The following RABGAP1 variants were observed in gnomAD, a reference collection of about 807,000 sequenced individuals.
The protein encoded by RABGAP1 is rab GTPase-activating protein 1.
RABGAP1 carries 23 observed loss-of-function variants against 137.6 expected under a neutral mutation model. That is an observed-to-expected ratio of 0.17 (90% CI 0.12 to 0.24). The LOEUF is 0.24. RABGAP1 is among the 10% of genes least tolerant of loss of function. RABGAP1 has a pLI of 1.00. For missense variants in RABGAP1, 906 were observed against 1,275.8 expected, an observed-to-expected ratio of 0.71 and a Z score of 4.42; for synonymous variants, 451 against 450.7, an observed-to-expected ratio of 1.00 and a Z score of -0.01.
chr9:122,959,003 T>A (rs1385217477), intron 2 of RABGAP1, among the ~76,000 whole-genome samples: 9 of 152,054 alleles, frequency 5.9e-5, no homozygotes, highest in Non-Finnish European at 1.3e-4. Context: ...AGTGAGATCC[T>A]GTCTCAAAAA....
chr9:122,990,795 AAATATATATATATATATATATATATAT>A (rs2131784549), intron 6 of RABGAP1: 1 of 53,284 alleles, frequency 1.9e-5, no homozygotes, highest in African/African-American at 8.5e-5. Context: ...AAAAAAAAAA[AAATATATATATATATATATATATATAT>A]ATATATATAT....
At chr9:122,938,420 A>G (rs1189900695), upstream of RABGAP1, 1 of 152,188 alleles carries the variant, frequency 6.6e-6, no homozygotes, top group Non-Finnish European at 1.5e-5. Flanking sequence ...CCCACATTCC[A>G]TTCATATACT....
intron 13 of RABGAP1, among the ~76,000 whole-genome samples, chr9:123,047,833 A>G (rs1005111012): frequency 4.0e-5 from 6 of 150,720 alleles, no homozygotes; most frequent in African/African-American, 9.7e-5. Context: ...CTGTTACATG[A>G]CTGGTATCAT....
intron 13 of RABGAP1, chr9:123,020,914 A>G (rs2031587676): frequency 4.4e-6 from 4 of 910,478 alleles, no homozygotes; most frequent in African/African-American, 3.6e-5. Context: ...AGTGAAAAAA[A>G]TCTCATTTGT....
chr9:123,042,922 G>A (rs1182388984), intron 13 of RABGAP1, among the ~76,000 whole-genome samples: 1 of 152,160 alleles, frequency 6.6e-6, no homozygotes. Flanking sequence ...CTTGAATGGG[G>A]TGGGGCATGG....
At chr9:123,018,550 ATAGT>A (rs926051822) in intron 12 of RABGAP1, among the ~76,000 whole-genome samples, 63 of 152,346 alleles carry the variant, frequency 4.1e-4, no homozygotes, top group African/African-American at 1.3e-3. Flanking sequence ...AGAACAGGTG[ATAGT>A]TAGGCCCAGT....
intron 9 of RABGAP1, 121 bp from the exon 10 acceptor site, chr9:122,998,476 G>C (rs1181164750): frequency 1.4e-5 from 11 of 789,854 alleles, no homozygotes; most frequent in Non-Finnish European, 1.8e-5. Context: ...ATGTTTAATT[G>C]ATGGTTCACT....
At chr9:122,939,028 A>G (rs1399718238), upstream of RABGAP1, 1 of 152,238 alleles carries the variant, frequency 6.6e-6, no homozygotes, top group African/African-American at 2.4e-5. Context: ...ATTTGGGTAT[A>G]CTGGTTGTAG....
At position 123,020,404 on chromosome 9, in the gene RABGAP1, C is replaced by T; in HGVS notation, c.1739C>T (p.Ala580Val). 1.2e-6 allele frequency: 2 copies of T among 1,607,274 alleles called. No individual in the cohort carries two copies. The highest frequency in any genetic ancestry group is 1.7e-6 in the Non-Finnish European group (2 of 1,176,622). Residue 580 changes from alanine to valine, a missense_variant, in exon 13 of 26, where the codon GCA becomes GTA. Ala to Val is a moderately conservative substitution (Grantham distance 64, BLOSUM62 0). This residue lies in a region of RABGAP1 where 212 missense variants were observed against 289.4 expected (regional missense o/e 0.73). Coordinates refer to ENST00000373647, the MANE Select transcript of RABGAP1 (RefSeq NM_012197.4). ...CGAGGAGAAGTCTGGCAGCTGCTAG[C>T]AGGCTGTCATAACAATGACCACCTG... ...ALRGEVWQLL[A>V]GCHNNDHLVE...
chr9:122,965,585 T>C (rs1036049202), intron 2 of RABGAP1, among the ~76,000 whole-genome samples: 3 of 152,180 alleles, frequency 2.0e-5, no homozygotes, highest in Non-Finnish European at 4.4e-5. Context: ...GGTTTCACCA[T>C]GTTGGCCATG....
At chr9:123,082,044 C>CT (rs1564183822) in intron 19 of RABGAP1, among the ~76,000 whole-genome samples, 1 of 151,422 alleles carries the variant, frequency 6.6e-6, no homozygotes, top group Non-Finnish European at 1.5e-5. Context: ...TCAAAAATGT[C>CT]TATCTTCTTC....
chr9:123,015,487 C>G (rs927143481), intron 11 of RABGAP1, 56 bp from the exon 12 acceptor site: 17 of 1,125,746 alleles, frequency 1.5e-5, no homozygotes, highest in African/African-American at 1.3e-4. Context: ...TTCCAGTGTT[C>G]TTCTGGCTAG....
At chr9:123,023,741 A>G (rs2031790197) in intron 13 of RABGAP1, among the ~76,000 whole-genome samples, 1 of 152,240 alleles carries the variant, frequency 6.6e-6, no homozygotes, top group South Asian at 2.1e-4. Context: ...CAGGATTTGT[A>G]CATATTATAC....
At chr9:122,944,536 T>C (rs1212689617) in intron 1 of RABGAP1, among the ~76,000 whole-genome samples, 4 of 151,854 alleles carry the variant, frequency 2.6e-5, no homozygotes, top group Non-Finnish European at 4.4e-5. Flanking sequence ...CTTTTTTTTT[T>C]CTTCTTTTGA....
rs1352984682 is a variant in RABGAP1 at position 123,086,997 on chromosome 9, A to G, written c.2425-2761A>G. On this transcript the variant is annotated intron_variant, in intron 19 of 25. Coordinates refer to ENST00000373647, the MANE Select transcript of RABGAP1 (RefSeq NM_012197.4). ...AAATAATTCATACTCAATGCAGAAT[A>G]CTTGGAAGACATGGGAAAAATGAAA... Among the ~76,000 whole-genome samples the G allele has an allele frequency of 7.9e-5, 12 of 152,368 alleles. No homozygotes were observed. The South Asian group carries it at 2.3e-3, about 29-fold the overall frequency.
chr9:123,056,783 A>G (rs1338161850), intron 13 of RABGAP1, among the ~76,000 whole-genome samples: 1 of 152,210 alleles, frequency 6.6e-6, no homozygotes, highest in African/African-American at 2.4e-5. Context: ...TTCAGAGAGC[A>G]CAGGGTTGGG....
intron 13 of RABGAP1, chr9:123,035,165 A>G: frequency 2.5e-6 from 4 of 1,614,000 alleles, no homozygotes; most frequent in Non-Finnish European, 2.5e-6. Context: ...ATGATGTTAT[A>G]TGCCCCAGCA....
chr9:123,061,891 T>G (rs759375766), intron 13 of RABGAP1: 4 of 152,236 alleles, frequency 2.6e-5, no homozygotes, highest in Non-Finnish European at 4.4e-5. Context: ...TTGGTTGACT[T>G]GATCAGTTTG....
rs766077858 is a variant in RABGAP1, at chr9:123,034,868, C to T, written c.1794+14409C>T. ...CCCCTTCCAGTAGAGGAGTCCTTGA[C>T]TTGCCAGATATTTGGTTTTGTAGTA... On this transcript the variant is annotated intron_variant, in intron 13 of 25. Coordinates refer to ENST00000373647, the MANE Select transcript of RABGAP1 (RefSeq NM_012197.4). 1.9e-5 allele frequency: 30 copies of T among 1,613,902 alleles called. No homozygotes were observed. Among genetic ancestry groups the T allele is most frequent in the Middle Eastern group, 3.3e-4 (2 of 6,080 alleles).
Sources: gnomAD v4.1 joint callset for allele counts (sites outside exome capture counted in the v4.1 genomes callset) on GRCh38, gnomAD v4.1.1 for gene constraint, gnomAD v4.1.1 regional missense constraint, MANE v1.5 for transcripts, NCBI Gene and HGNC (gene_info 2026-07-23, HGNC 2026-07-21) for gene names.